ACBD6: variants seen among roughly 807,000 people sequenced by gnomAD.
ACBD6 encodes the protein acyl-CoA binding domain containing 6.
ACBD6 carries 28 observed loss-of-function variants against 37.2 expected under a neutral mutation model. The ratio of observed to expected loss-of-function variants is 0.75; its 90% confidence interval spans 0.56 to 1.03. The LOEUF is 1.03. Among genes scored for constraint, ACBD6 ranks in the 50% least tolerant of loss-of-function variants. The probability of loss-of-function intolerance (pLI) is 0.00; values close to 1 mark genes in which losing one functional copy is unlikely to be tolerated. For missense variants in ACBD6, 340 were observed against 337.4 expected (o/e 1.01, Z -0.06); for synonymous variants, 113 against 126.8 (o/e 0.89, Z 0.73).
At chr1:180,388,991 T>C (rs1046936714) in intron 6 of ACBD6, among the ~76,000 whole-genome samples, 13 of 151,762 alleles carry the variant, frequency 8.6e-5, no homozygotes, top group African/African-American at 2.9e-4. Flanking sequence ...AGCTGATCTA[T>C]AGATTCAATG....
intron 7 of ACBD6, among the ~76,000 whole-genome samples, chr1:180,304,504 C>G (rs1372643326): frequency 3.3e-5 from 5 of 150,626 alleles, no homozygotes; most frequent in South Asian, 2.1e-4. Context: ...CCATTCACAA[C>G]TGCTTCAAAG....
chr1:180,349,578 AAT>A (rs1491243178), intron 6 of ACBD6, among the ~76,000 whole-genome samples: 453 of 19,766 alleles, frequency 0.023, no homozygotes, highest in African/African-American at 0.069. Flanking sequence ...AGTATAAAAA[AAT>A]AAATAAAATT....
At chr1:180,274,447 A>C in intron 10 of ACBD6, 1 of 1,614,204 alleles carries the variant, frequency 6.2e-7, no homozygotes, top group African/African-American at 1.3e-5. Context: ...CAGGGCAGGG[A>C]GTAAGCCAGA....
At chr1:180,450,811 TG>T (rs138522539) in intron 3 of ACBD6, among the ~76,000 whole-genome samples, 2,783 of 151,982 alleles carry the variant, frequency 0.018, 89 homozygotes, top group African/African-American at 0.063. Flanking sequence ...TATAAAAAAC[TG>T]AACATCGTCT....
At chr1:180,295,678 C>CTA (rs1336525961) in intron 7 of ACBD6, among the ~76,000 whole-genome samples, 1 of 151,978 alleles carries the variant, frequency 6.6e-6, no homozygotes, top group South Asian at 2.1e-4. Context: ...TTGTGAGGAT[C>CTA]TATGATAAAT....
chr1:180,364,535 T>TTA (rs1281528100), intron 6 of ACBD6, among the ~76,000 whole-genome samples: 1 of 152,114 alleles, frequency 6.6e-6, no homozygotes, highest in Non-Finnish European at 1.5e-5. Flanking sequence ...CGAGAGTGAG[T>TTA]TATAGGTAAG....
intron 5 of ACBD6, among the ~76,000 whole-genome samples, chr1:180,403,619 T>G (rs990719420): frequency 6.6e-6 from 1 of 152,134 alleles, no homozygotes; most frequent in Non-Finnish European, 1.5e-5. Flanking sequence ...AAACAAAAAT[T>G]TGTACACCTA....
intron 3 of ACBD6, among the ~76,000 whole-genome samples, chr1:180,491,897 C>A (rs986329276): frequency 2.6e-5 from 4 of 152,168 alleles, no homozygotes; most frequent in Non-Finnish European, 5.9e-5. Flanking sequence ...GCAGCCTCAG[C>A]CTCCCAGGTT....
intron 4 of ACBD6, among the ~76,000 whole-genome samples, chr1:180,421,422 C>T (rs908665451): frequency 6.6e-6 from 1 of 152,098 alleles, no homozygotes; most frequent in African/African-American, 2.4e-5. Context: ...TAGGTTGATC[C>T]CATGTCTTTG....
At chr1:180,322,997 C>T (rs1390205032) in intron 6 of ACBD6, among the ~76,000 whole-genome samples, 1 of 151,700 alleles carries the variant, frequency 6.6e-6, no homozygotes, top group Non-Finnish European at 1.5e-5. Flanking sequence ...GATGCAGGCG[C>T]TATAAACTTC....
chr1:180,422,360 C>T (rs1459296194), intron 4 of ACBD6, among the ~76,000 whole-genome samples: 4 of 152,104 alleles, frequency 2.6e-5, no homozygotes, highest in Admixed American at 2.6e-4. Context: ...CGCACACCAC[C>T]ACTCACGGCT....
Position 180,338,654 on chromosome 1 carries a change from C to T in ACBD6, c.664-23932G>A, listed in dbSNP as rs148999683. ...ATGTCTAAAACACCAATGGCAATGG[C>T]AACAAAAGCCAAAATTGACAAATGG... On this transcript the variant is annotated intron_variant, in intron 6 of 7. Transcript: ENST00000367595. Among the ~76,000 whole-genome samples, 833 of 152,232 alleles carry T rather than the reference C, an allele frequency of 5.5e-3. 7 individuals carry two copies. The highest frequency in any genetic ancestry group is 0.019 in the African/African-American group (788 of 41,550).
At chr1:180,284,616 C>T (rs1015908074), downstream of ACBD6, among the ~76,000 whole-genome samples, 10 of 151,800 alleles carry the variant, frequency 6.6e-5, no homozygotes, top group African/African-American at 1.5e-4. Context: ...GTGATCCGCC[C>T]GCCTCAGCCT....
intron 7 of ACBD6, among the ~76,000 whole-genome samples, chr1:180,311,300 C>T (rs1650581607): frequency 6.6e-6 from 1 of 152,128 alleles, no homozygotes; most frequent in Admixed American, 6.5e-5. Flanking sequence ...GCTAGCTGTG[C>T]CATGGATAAG....
At chr1:180,492,736 A>G (rs1651556970) in intron 2 of ACBD6, among the ~76,000 whole-genome samples, 1 of 152,240 alleles carries the variant, frequency 6.6e-6, no homozygotes, top group Non-Finnish European at 1.5e-5. Flanking sequence ...AGACTAATAG[A>G]GATTATTCTC....
chr1:180,486,019 T>C (rs963782038), intron 3 of ACBD6, among the ~76,000 whole-genome samples: 1 of 151,948 alleles, frequency 6.6e-6, no homozygotes, highest in African/African-American at 2.4e-5. Context: ...CTGATATAAA[T>C]ACATGAATGT....
chr1:180,283,432 G>A (rs1649376135), downstream of ACBD6, among the ~76,000 whole-genome samples: 1 of 152,072 alleles, frequency 6.6e-6, no homozygotes, highest in Non-Finnish European at 1.5e-5. Flanking sequence ...TGAGACAAGT[G>A]CATGCTGTTG....
chr1:180,501,117 G>A (rs1651953294), intron 1 of ACBD6, among the ~76,000 whole-genome samples: 5 of 152,134 alleles, frequency 3.3e-5, no homozygotes, highest in Admixed American at 6.5e-5. Flanking sequence ...AGTTCTGACT[G>A]ATGTATTTGT....
chr1:180,323,369 T>C (rs2149296008), intron 6 of ACBD6, among the ~76,000 whole-genome samples: 1 of 152,230 alleles, frequency 6.6e-6, no homozygotes, highest in African/African-American at 2.4e-5. Context: ...GAGAAGAATG[T>C]GTACTGTACA....
Sources: gnomAD v4.1 joint callset for allele counts (sites outside exome capture counted in the v4.1 genomes callset) on GRCh38, gnomAD v4.1.1 for gene constraint, MANE v1.5 for transcripts, NCBI Gene and HGNC (gene_info 2026-07-23, HGNC 2026-07-21) for gene names.